The following HECTD2 variants were observed in gnomAD, a reference collection of about 807,000 sequenced individuals.
HECTD2 encodes HECT domain E3 ubiquitin protein ligase 2, also known as probable E3 ubiquitin-protein ligase HECTD2.
A neutral mutation model predicts 103.2 loss-of-function variants in HECTD2; 35 were observed. The observed-to-expected ratio is 0.34, with a 90% CI of 0.26 to 0.45. HECTD2 has a LOEUF of 0.45. Ranked by LOEUF, HECTD2 falls within the 20% of genes least tolerant of loss-of-function variation. The probability of loss-of-function intolerance (pLI) is 1.00; values close to 1 mark genes in which losing one functional copy is unlikely to be tolerated. For missense variants in HECTD2, 596 were observed against 937.4 expected (o/e 0.64, Z 4.76); for synonymous variants, 281 against 329.9 (o/e 0.85, Z 1.61).
chr10:91,449,803 A>G (rs1162014785), intron 2 of HECTD2, among the ~76,000 whole-genome samples: 1 of 151,666 alleles, frequency 6.6e-6, no homozygotes, highest in Non-Finnish European at 1.5e-5. Context: ...TAAAATACCT[A>G]GCAATACAAC....
At chr10:91,465,664 G>A (rs1169458673) in intron 5 of HECTD2, among the ~76,000 whole-genome samples, 1 of 151,646 alleles carries the variant, frequency 6.6e-6, no homozygotes, top group Non-Finnish European at 1.5e-5. Flanking sequence ...TTCATCAACT[G>A]TTTCTTTTGC....
intron 2 of HECTD2, among the ~76,000 whole-genome samples, chr10:91,426,631 A>T (rs1843571727): frequency 6.6e-6 from 1 of 151,576 alleles, no homozygotes; most frequent in Admixed American, 6.6e-5. Flanking sequence ...CTAAGGAGGC[A>T]CCTTTTAGTT....
chr10:91,507,130 T>G (rs1847218383), intron 20 of HECTD2, among the ~76,000 whole-genome samples: 1 of 151,800 alleles, frequency 6.6e-6, no homozygotes, highest in Non-Finnish European at 1.5e-5. Context: ...TATTTCAAAA[T>G]AATAAGAGCT....
rs928499520 is a variant in HECTD2 at position 91,514,682 on chromosome 10, G to A, written c.*2298G>A. ...TGTCTGTATGATTAGAAGTTTTTAC[G>A]TCCTTCCTTTTTTGTACAAATCTGT... is the stretch of plus-strand genomic sequence containing the variant. On this transcript the variant is annotated 3_prime_UTR_variant, in exon 21 of 21. Transcript: ENST00000298068. 4.6e-5 allele frequency: 7 copies of A among 152,422 alleles called. No homozygotes were observed. The highest frequency in any genetic ancestry group is 2.1e-4 in the South Asian group (1 of 4,810). The allele number at this position is 152,422 out of a possible 1,614,324, so 9.4% of individuals were successfully genotyped here. A position where few individuals can be genotyped will look rare whatever the true frequency, so the allele number is the denominator to read the frequency against.
At chr10:91,431,537 T>C (rs1843869619) in intron 2 of HECTD2, among the ~76,000 whole-genome samples, 1 of 152,068 alleles carries the variant, frequency 6.6e-6, no homozygotes, top group South Asian at 2.1e-4. Flanking sequence ...CAGATTTGGT[T>C]TGTTCACATC....
intron 2 of HECTD2, among the ~76,000 whole-genome samples, chr10:91,450,715 T>G (rs1316890479): frequency 6.7e-6 from 1 of 149,256 alleles, no homozygotes; most frequent in Non-Finnish European, 1.5e-5. Context: ...GCAAAGGATA[T>G]GAACAGACAC....
At chr10:91,420,444 C>A (rs1361013583) in intron 1 of HECTD2, among the ~76,000 whole-genome samples, 1 of 143,754 alleles carries the variant, frequency 7.0e-6, no homozygotes, top group Non-Finnish European at 1.5e-5. Flanking sequence ...AAAAAAAAAG[C>A]TGGGCATGGT....
chr10:91,513,196 G>C lies in HECTD2; in HGVS notation c.*812G>C, dbSNP rs1381422536. 1 of 152,492 alleles carries C rather than the reference G, an allele frequency of 6.6e-6. No homozygotes were observed. Among genetic ancestry groups the C allele is most frequent in the East Asian group, 1.9e-4 (1 of 5,194 alleles). The allele number at this position is 152,492 out of a possible 1,614,324, so 9.4% of individuals were successfully genotyped here. ...TGTATAATGATCATTTCTTCTTAAG[G>C]CTCAAGATATTAGAAAAGAAATCAG... is the stretch of plus-strand genomic sequence containing the variant. On this transcript the variant is annotated 3_prime_UTR_variant, in exon 21 of 21. Transcript: ENST00000298068.
rs1283533014 is a variant in HECTD2 at position 91,410,558 on chromosome 10, G to C, written c.120G>C (p.Ala40=). Residue 40 remains alanine, a synonymous_variant, in exon 1 of 21, where the codon GCG becomes GCC. Coordinates refer to ENST00000298068, the MANE Select transcript of HECTD2 (RefSeq NM_182765.6). ...EREKLPPIVS[A]GAGATAGLDR... is the part of the protein sequence containing the mutation. ...AGAAGCTGCCGCCCATCGTATCGGC[G>C]GGCGCCGGCGCGACCGCGGTAGGTG... is the stretch of plus-strand genomic sequence containing the variant. 1 of 1,441,370 alleles carries C rather than the reference G, an allele frequency of 6.9e-7. No individual in the cohort carries two copies. The highest frequency in any genetic ancestry group is 2.4e-5 in the Admixed American group (1 of 42,044). The allele number at this position is 1,441,370 out of a possible 1,614,324, so 89.3% of individuals were successfully genotyped here.
chr10:91,493,097 C>G (rs769060791), intron 13 of HECTD2, among the ~76,000 whole-genome samples: 10 of 151,538 alleles, frequency 6.6e-5, no homozygotes, highest in Non-Finnish European at 1.2e-4. Flanking sequence ...TAATTTTGAT[C>G]ATAATTTATA....
intron 18 of HECTD2, 97 bp from the exon 19 acceptor site, chr10:91,500,400 GAGAAA>G: frequency 2.8e-6 from 1 of 351,306 alleles, no homozygotes; most frequent in Non-Finnish European, 5.7e-6. Flanking sequence ...GATTTACTAT[GAGAAA>G]TCATGACTTT....
chr10:91,482,100 T>A lies in HECTD2; in HGVS notation c.712-867T>A, dbSNP rs192232306. Among the ~76,000 whole-genome samples the A allele has an allele frequency of 1.8e-4, 27 of 151,882 alleles. 1 individual carries two copies. Among genetic ancestry groups the A allele is most frequent in the Admixed American group, 1.6e-3 (25 of 15,234 alleles). The stretch of plus-strand genomic sequence containing the variant: ...CTAGAAAGATGACACGAAGCTCAGA[T>A]TTTAGGTGAGTATATTGGTCAGCCA... On this transcript the variant is annotated intron_variant, in intron 7 of 20. Coordinates refer to ENST00000298068, the MANE Select transcript of HECTD2 (RefSeq NM_182765.6).
At chr10:91,490,567 T>C (rs1280624000) in intron 11 of HECTD2, among the ~76,000 whole-genome samples, 1 of 152,152 alleles carries the variant, frequency 6.6e-6, no homozygotes, top group Non-Finnish European at 1.5e-5. Context: ...TTTATATTTG[T>C]ATTTATTAAA....
At chr10:91,476,797 G>A (rs1428980311) in intron 5 of HECTD2, among the ~76,000 whole-genome samples, 1 of 152,192 alleles carries the variant, frequency 6.6e-6, no homozygotes, top group African/African-American at 2.4e-5. Flanking sequence ...CCTGCCCTGT[G>A]AGCACCTGTG....
At position 91,460,395 on chromosome 10, in the gene HECTD2, C is replaced by T. The variant is rs755833365; in HGVS notation, c.269-32C>T. The T allele has an allele frequency of 6.6e-6, 10 of 1,517,088 alleles. No individual in the cohort carries two copies. In the Middle Eastern group the frequency reaches 5.2e-4, roughly 79 times the overall value. 94.0% of individuals were successfully genotyped at this position (1,517,088 alleles called of 1,614,324 possible). On this transcript the variant is annotated intron_variant, in intron 2 of 20. Coordinates refer to ENST00000298068, the MANE Select transcript of HECTD2 (RefSeq NM_182765.6). ...TATAATTTTGAAAAGTTTAATGATT[C>T]ATTATTTTGAATGTGTTTTTATACT...
At chr10:91,428,308 C>A (rs955513382) in intron 2 of HECTD2, among the ~76,000 whole-genome samples, 1 of 147,910 alleles carries the variant, frequency 6.8e-6, no homozygotes, top group Non-Finnish European at 1.5e-5. Flanking sequence ...AGTCAGGTAG[C>A]GTGATGCCTC....
intron 5 of HECTD2, among the ~76,000 whole-genome samples, chr10:91,475,914 C>G (rs1440387793): frequency 6.6e-6 from 1 of 152,158 alleles, no homozygotes; most frequent in Non-Finnish European, 1.5e-5. Flanking sequence ...CATGGTGACC[C>G]TGGAGGTGGG....
In HECTD2 at chr10:91,483,010, A is replaced by C. The variant is rs1846148614; in HGVS notation, c.755A>C (p.His252Pro). The C allele has an allele frequency of 6.3e-7, 1 of 1,587,462 alleles. No individual in the cohort carries two copies. The highest frequency in any genetic ancestry group is 1.7e-5 in the Admixed American group (1 of 59,318). Residue 252 changes from histidine (H) to proline (P), a missense_variant, in exon 8 of 21, where the codon CAC becomes CCC. Transcript: ENST00000298068. The part of the protein sequence containing the change: ...NNTSTYVIYA[H>P]LLRQIATLVE... ...ACATCTACGTATGTCATCTATGCTC[A>C]CTTGCTACGACAGATAGCTACCTTA...
intron 11 of HECTD2, chr10:91,489,640 A>G (rs1183647990): frequency 1.3e-5 from 2 of 152,208 alleles, no homozygotes; most frequent in African/African-American, 2.4e-5. Flanking sequence ...GGAACAGAAG[A>G]TAGGAAAAGG....
Sources: allele counts gnomAD v4.1 joint callset (sites outside exome capture counted in the v4.1 genomes callset), GRCh38; gene constraint gnomAD v4.1.1; transcripts MANE v1.5; gene names NCBI Gene and HGNC (gene_info 2026-07-23, HGNC 2026-07-21).